The following IFT140 variants were observed in gnomAD, a reference collection of about 807,000 sequenced individuals.
IFT140 encodes the protein intraflagellar transport protein 140 homolog.
Under a neutral mutation model 164.6 loss-of-function variants are expected in IFT140, and 133 were observed. That is an observed-to-expected ratio of 0.81 (90% CI 0.70 to 0.93). IFT140 has a LOEUF of 0.93. Among genes scored for constraint, IFT140 ranks in the 40% least tolerant of loss-of-function variants. The pLI, the probability that IFT140 is intolerant of heterozygous loss-of-function variation, is 0.00. For missense variants in IFT140, 2,045 were observed against 1,972.3 expected (o/e 1.04, Z -0.70); for synonymous variants, 860 against 817.3 (o/e 1.05, Z -0.89).
At position 1,520,040 on chromosome 16, in the gene IFT140, A is replaced by G. The variant is rs539917190; in HGVS notation, c.3881T>C (p.Ile1294Thr). The G allele has an allele frequency of 5.1e-5, 82 of 1,601,680 alleles. No individual in the cohort carries two copies. Among genetic ancestry groups the G allele is most frequent in the Middle Eastern group, 1.7e-4 (1 of 6,004 alleles). ...TTTGTCGTAGTTCTGGTATTCATCA[A>G]TCTCCACCTGTACAGATGAAACCCG... ...GFYDACAQVEIDEYQNYDKAH... is the reference protein window; with the variant it reads ...GFYDACAQVETDEYQNYDKAH... Residue 1294 changes from isoleucine (I) to threonine (T), a missense_variant, in exon 29 of 31, where the codon ATT (isoleucine) becomes ACT (threonine). Ile to Thr is a moderately conservative substitution (Grantham distance 89). Coordinates refer to ENST00000426508, the MANE Select transcript of IFT140 (RefSeq NM_014714.4).
intron 26 of IFT140, 21 bp downstream of exon 26, chr16:1,523,497 C>T (rs761758149): frequency 2.5e-6 from 4 of 1,601,080 alleles, no homozygotes; most frequent in African/African-American, 1.3e-5. Context: ...GAGCCGAGCC[C>T]AGGCCCCGCT....
chr16:1,563,168 C>T lies in IFT140; in HGVS notation c.2067+829G>A, dbSNP rs142088100. Among the ~76,000 whole-genome samples, 465 of 152,168 alleles carry T rather than the reference C, an allele frequency of 3.1e-3. 1 individual carries two copies. The highest frequency in any genetic ancestry group is 5.2e-3 in the South Asian group (25 of 4,816). On this transcript the variant is annotated intron_variant, in intron 17 of 30. Transcript: ENST00000426508. ...CAGCCTGTATCTTGAAGTGGCGCCT[C>T]GGGCAGTGTCTTCCCCTCCCTGCTC...
chr16:1,513,710 G>A (rs1567316137), intron 30 of IFT140, among the ~76,000 whole-genome samples: 1 of 147,838 alleles, frequency 6.8e-6, no homozygotes, highest in Admixed American at 6.8e-5. Flanking sequence ...GTCTTGCTGT[G>A]TCGCCCAGGC....
intron 19 of IFT140, chr16:1,541,376 G>C (rs1184928791): frequency 3.0e-6 from 3 of 985,290 alleles, no homozygotes; most frequent in Non-Finnish European, 2.4e-6. Flanking sequence ...GCTTCTCCTC[G>C]GTCCCAAGTC....
intron 19 of IFT140, among the ~76,000 whole-genome samples, chr16:1,548,982 T>A (rs1307431792): frequency 6.6e-6 from 1 of 152,214 alleles, no homozygotes; most frequent in Non-Finnish European, 1.5e-5. Flanking sequence ...CAGGGTAGGA[T>A]CTGGGCCACC....
At chr16:1,536,295 C>T (rs1038165837) in intron 19 of IFT140, among the ~76,000 whole-genome samples, 3 of 152,200 alleles carry the variant, frequency 2.0e-5, no homozygotes, top group South Asian at 2.1e-4. Context: ...CCTATGCATC[C>T]GTCCCAGGCG....
intron 19 of IFT140, chr16:1,555,005 C>T (rs1349724679): frequency 6.2e-7 from 1 of 1,612,244 alleles, no homozygotes; most frequent in Non-Finnish European, 8.5e-7. Flanking sequence ...TGGACAATGA[C>T]TACGTGGAGT....
At chr16:1,524,044 C>T (rs553346123) in intron 24 of IFT140, 88 bp from the exon 25 acceptor site, 584 of 1,504,188 alleles carry the variant, frequency 3.9e-4, no homozygotes, top group Non-Finnish European at 4.9e-4. Flanking sequence ...GGTGCGAACC[C>T]GCCCCTTCAC....
At chr16:1,591,709 G>A (rs948703953) in intron 6 of IFT140, among the ~76,000 whole-genome samples, 6 of 152,116 alleles carry the variant, frequency 3.9e-5, no homozygotes, top group Non-Finnish European at 7.4e-5. Flanking sequence ...GGTGTCCAGC[G>A]CTGACCTCCC....
At chr16:1,540,119 C>T (rs982418158) in intron 19 of IFT140, among the ~76,000 whole-genome samples, 6 of 152,126 alleles carry the variant, frequency 3.9e-5, no homozygotes, top group African/African-American at 1.4e-4. Flanking sequence ...GCTGGGACGC[C>T]GAAAGCCTAG....
rs542699765 is a variant in IFT140 at position 1,558,943 on chromosome 16, G to A, written c.2200-809C>T. On this transcript the variant is annotated intron_variant, in intron 18 of 30. Transcript: ENST00000426508. ...ACTGCTCCTGCAGAAACTGACTTGC[G>A]GCCCCGGTGAGTAGGCCTCATGGGC... is the stretch of plus-strand genomic sequence containing the variant. 3.3e-5 allele frequency among the ~76,000 whole-genome samples: 5 copies of A among 152,330 alleles called. No individual in the cohort carries two copies. In the South Asian group the frequency reaches 6.2e-4, roughly 19 times the overall value.
intron 24 of IFT140, chr16:1,524,278 GCCATAGGCCGTGA>G: frequency 1.6e-6 from 1 of 608,422 alleles, no homozygotes; most frequent in Non-Finnish European, 2.8e-6. Flanking sequence ...CGTCTGCAAG[GCCATAGGCCGTGA>G]GCAGCCTCAC....
At chr16:1,567,550 C>T (rs1212018413) in intron 15 of IFT140, among the ~76,000 whole-genome samples, 3 of 152,248 alleles carry the variant, frequency 2.0e-5, no homozygotes, top group Non-Finnish European at 4.4e-5. Context: ...GTGCCTCCTT[C>T]CCTGCTCATC....
At chr16:1,521,209 G>T (rs1175502365) in intron 26 of IFT140, among the ~76,000 whole-genome samples, 1 of 150,276 alleles carries the variant, frequency 6.7e-6, no homozygotes, top group Non-Finnish European at 1.5e-5. Flanking sequence ...ACCTCCCCAG[G>T]GTCAGGTGAT....
intron 4 of IFT140, among the ~76,000 whole-genome samples, chr16:1,593,203 T>C (rs551236016): frequency 7.2e-5 from 11 of 152,264 alleles, no homozygotes; most frequent in Non-Finnish European, 1.5e-4. Context: ...GATGAAAATT[T>C]CAAACAATTC....
intron 19 of IFT140, among the ~76,000 whole-genome samples, chr16:1,543,324 T>C (rs1029918727): frequency 6.6e-6 from 1 of 152,222 alleles, no homozygotes; most frequent in East Asian, 1.9e-4. Context: ...TCTTAAGAAA[T>C]ACAATTTCCA....
intron 14 of IFT140, among the ~76,000 whole-genome samples, chr16:1,569,130 G>A (rs1001329744): frequency 2.7e-5 from 4 of 148,810 alleles, no homozygotes; most frequent in African/African-American, 9.9e-5. Context: ...TCAGCCTCCC[G>A]AGTAGCTGGG....
At chr16:1,571,573 A>G (rs773735987) in intron 13 of IFT140, 39 bp from the exon 14 acceptor site, 2 of 1,587,562 alleles carry the variant, frequency 1.3e-6, no homozygotes, top group Middle Eastern at 1.7e-4. Context: ...ATTTCATGTT[A>G]GTTACTGAAC....
At chr16:1,572,093 G>A (rs1480567186) in intron 13 of IFT140, among the ~76,000 whole-genome samples, 2 of 152,102 alleles carry the variant, frequency 1.3e-5, no homozygotes, top group African/African-American at 2.4e-5. Context: ...CCCCTGCACC[G>A]TACGCTTAGG....
Sources: allele counts gnomAD v4.1 joint callset (sites outside exome capture counted in the v4.1 genomes callset), GRCh38; gene constraint gnomAD v4.1.1; transcripts MANE v1.5; gene names NCBI Gene and HGNC (gene_info 2026-07-23, HGNC 2026-07-21).